OR1J2: variants seen among roughly 807,000 people sequenced by gnomAD.
The protein encoded by OR1J2 is olfactory receptor family 1 subfamily J member 2.
For missense variants in OR1J2, 304 were observed against 246.1 expected (o/e 1.24, Z -1.57); for synonymous variants, 142 against 99.7 (o/e 1.42, Z -2.52).
the OR1J2 span, among the ~76,000 whole-genome samples, chr9:122,562,337 G>A: frequency 6.6e-6 from 1 of 152,366 alleles, no homozygotes; most frequent in Admixed American, 6.5e-5. Context: ...AGTTGCAGCT[G>A]TGGTGATGGC....
chr9:122,459,749 A>C, the OR1J2 span, among the ~76,000 whole-genome samples: 5 of 152,098 alleles, frequency 3.3e-5, no homozygotes, highest in African/African-American at 1.2e-4. Flanking sequence ...TTGTTACATG[A>C]ATATTTTCTT....
chr9:122,481,833 CT>C, the OR1J2 span, among the ~76,000 whole-genome samples: 1 of 152,066 alleles, frequency 6.6e-6, no homozygotes, highest in South Asian at 2.1e-4. Flanking sequence ...AGCTAGACCC[CT>C]ATCCTTTATC....
the OR1J2 span, chr9:122,568,136 G>A: frequency 6.2e-7 from 1 of 1,614,128 alleles, no homozygotes; most frequent in Non-Finnish European, 8.5e-7. Context: ...CTGCCAGAAG[G>A]CAGCTGTCAC....
the OR1J2 span, among the ~76,000 whole-genome samples, chr9:122,572,012 G>C: frequency 1.3e-5 from 2 of 152,170 alleles, no homozygotes; most frequent in Admixed American, 1.3e-4. Flanking sequence ...GAGGCCTCAG[G>C]AAACTTTTAT....
chr9:122,473,944 A>C, the OR1J2 span, among the ~76,000 whole-genome samples: 1 of 152,206 alleles, frequency 6.6e-6, no homozygotes. Flanking sequence ...ATTATCTATT[A>C]GCCGAGCAAG....
chr9:122,577,230 A>T, the OR1J2 span, among the ~76,000 whole-genome samples: 1 of 152,178 alleles, frequency 6.6e-6, no homozygotes, highest in African/African-American at 2.4e-5. Flanking sequence ...CTGGTGCCTT[A>T]AATTTAGTCT....
At chr9:122,566,414 GCTACA>G in the OR1J2 span, among the ~76,000 whole-genome samples, 1 of 152,118 alleles carries the variant, frequency 6.6e-6, no homozygotes, top group African/African-American at 2.4e-5. Flanking sequence ...TACCCCAGTG[GCTACA>G]CACATATGTA....
chr9:122,462,757 C>A, the OR1J2 span, among the ~76,000 whole-genome samples: 1 of 152,196 alleles, frequency 6.6e-6, no homozygotes, highest in African/African-American at 2.4e-5. Flanking sequence ...ACCCCAAACT[C>A]TTCTAGCTTG....
the OR1J2 span, chr9:122,552,997 A>G: frequency 1.7e-6 from 1 of 601,910 alleles, no homozygotes; most frequent in Non-Finnish European, 2.9e-6. Context: ...ATTTGAATGG[A>G]TATTATCTTA....
chr9:122,499,915 C>A, the OR1J2 span, among the ~76,000 whole-genome samples: 1 of 152,200 alleles, frequency 6.6e-6, no homozygotes. Context: ...ACCAAGCTGG[C>A]CTTGGCTGCA....
chr9:122,499,561 T>C, the OR1J2 span, among the ~76,000 whole-genome samples: 39 of 151,474 alleles, frequency 2.6e-4, no homozygotes, highest in Non-Finnish European at 4.7e-4. Flanking sequence ...AGCAAGAAGG[T>C]GTTCTGACTG....
At chr9:122,474,820 G>GTTATCTGAT in the OR1J2 span, among the ~76,000 whole-genome samples, 645 of 152,210 alleles carry the variant, frequency 4.2e-3, 3 homozygotes, top group Non-Finnish European at 7.0e-3. Context: ...GCTCTCAAAT[G>GTTATCTGAT]GTCATTTGCA....
At chr9:122,480,517 G>C in the OR1J2 span, among the ~76,000 whole-genome samples, 1 of 150,888 alleles carries the variant, frequency 6.6e-6, no homozygotes, top group South Asian at 2.1e-4. Flanking sequence ...TGTGTCATGG[G>C]GGTTTGTTGT....
the OR1J2 span, among the ~76,000 whole-genome samples, chr9:122,559,601 G>A: frequency 1.3e-5 from 2 of 152,180 alleles, no homozygotes; most frequent in African/African-American, 4.8e-5. Flanking sequence ...TCATTCAGGA[G>A]TAGGTTGTTC....
chr9:122,554,271 A>T, the OR1J2 span: 5 of 764,074 alleles, frequency 6.5e-6, no homozygotes, highest in East Asian at 2.8e-5. Context: ...TTATCCGTTG[A>T]CTCTGAGTTA....
In OR1J2 at chr9:122,511,296, G is replaced by C. The variant is rs1293665072; in HGVS notation, c.495G>C (p.Arg165=). Residue 165 remains arginine (R), a synonymous_variant, in exon 1 of 1, where the codon CGG becomes CGC. Coordinates refer to ENST00000335302, the MANE Select transcript of OR1J2 (RefSeq NM_054107.1). ...SSLSHTLLLT[R]LSFCAANTIP... The stretch of plus-strand genomic sequence containing the variant: ...TCTCTCACACCCTTCTCCTGACCCG[G>C]CTGTCTTTCTGTGCTGCGAACACCA... 5 of 733,892 alleles carry C rather than the reference G, an allele frequency of 6.8e-6. No individual in the cohort carries two copies. The Admixed American group carries it at 7.8e-5, about 11-fold the overall frequency. The allele number at this position is 733,892 out of a possible 1,614,324, so 45.5% of individuals were successfully genotyped here.
the OR1J2 span, among the ~76,000 whole-genome samples, chr9:122,539,906 A>G: frequency 6.6e-6 from 1 of 151,896 alleles, no homozygotes; most frequent in African/African-American, 2.4e-5. Flanking sequence ...GGCTGCATAA[A>G]TGTCTTCTTT....
chr9:122,552,549 GA>G, the OR1J2 span, among the ~76,000 whole-genome samples: 1 of 152,006 alleles, frequency 6.6e-6, no homozygotes, highest in Admixed American at 6.6e-5. Flanking sequence ...GTGTGTGTGG[GA>G]GGGAACATCC....
the OR1J2 span, among the ~76,000 whole-genome samples, chr9:122,542,226 T>G: frequency 1.3e-5 from 2 of 152,346 alleles, no homozygotes; most frequent in South Asian, 4.1e-4. Context: ...TATTCAATTC[T>G]CTGTTGAATA....
Sources: allele counts gnomAD v4.1 joint callset (sites outside exome capture counted in the v4.1 genomes callset), GRCh38; gene constraint gnomAD v4.1.1; transcripts MANE v1.5; gene names NCBI Gene and HGNC (gene_info 2026-07-23, HGNC 2026-07-21).